PCDH19: variants seen among roughly 807,000 people sequenced by gnomAD.
PCDH19 encodes protocadherin-19.
A neutral mutation model predicts 46.2 loss-of-function variants in PCDH19; 6 were observed. The ratio of observed to expected loss-of-function variants is 0.13; its 90% CI spans 0.07 to 0.26. The LOEUF is 0.26. PCDH19 is among the 10% of genes least tolerant of loss of function. The probability of loss-of-function intolerance (pLI) is 1.00; values close to 1 mark genes in which losing one functional copy is unlikely to be tolerated. For synonymous variants in PCDH19, 481 were observed against 415.7 expected (o/e 1.16, Z -1.91); for missense variants, 740 against 972.3 (o/e 0.76, Z 3.18).
At position 100,338,037 on chromosome X, in the gene PCDH19, CT is replaced by C. The variant is rs1191648038; in HGVS notation, c.2848+3865del. Among the ~76,000 whole-genome samples, 4 of 111,424 alleles carry C rather than the reference CT, an allele frequency of 3.6e-5. No homozygotes were observed. In the Admixed American group the frequency reaches 3.8e-4, roughly 11 times the overall value. ...AGTGACTAAATACCTGACTTTTGCC[CT>C]TTGAGTTCAAAAGTCTTCTAGGCCA... On this transcript the variant is annotated intron_variant, in intron 5 of 5. Coordinates refer to ENST00000373034, the MANE Select transcript of PCDH19 (RefSeq NM_001184880.2).
rs926898279 is a variant in PCDH19 at position 100,409,800 on chromosome X, A to G, written c.-1203T>C. 4 of 219,466 alleles carry G rather than the reference A, an allele frequency of 1.8e-5. No individual in the cohort carries two copies. The highest frequency in any genetic ancestry group is 1.1e-4 in the South Asian group (1 of 8,981). 18.1% of individuals were successfully genotyped at this position (219,466 alleles called of 1,213,427 possible). On this transcript the variant is annotated 5_prime_UTR_variant, in exon 1 of 6. Transcript: ENST00000373034. ...TGGGGTCCGCCTCAGCAGCTGCCAC[A>G]GTCGACGATTTTGTCGCCGCCGAAG...
At chrX:100,339,453 C>T (rs775726528) in intron 5 of PCDH19, among the ~76,000 whole-genome samples, 44 of 112,535 alleles carry the variant, frequency 3.9e-4, no homozygotes, top group African/African-American at 1.4e-3. Flanking sequence ...TAAGATCAGG[C>T]ATGCATGGTG....
chrX:100,409,709 TCCGCCGCCGCCGCCG>T lies in PCDH19; in HGVS notation c.-1127_-1113del, dbSNP rs59564734. 7 of 244,369 alleles carry T rather than the reference TCCGCCGCCGCCGCCG, an allele frequency of 2.9e-5. No individual in the cohort carries two copies. The highest frequency in any genetic ancestry group is 1.6e-4 in the East Asian group (1 of 6,157). 20.1% of individuals were successfully genotyped at this position (244,369 alleles called of 1,213,427 possible). A position where few individuals can be genotyped will look rare whatever the true frequency, so the allele number is the denominator to read the frequency against. ...TTTGGGCTGGGGTGTCGCTCCAAGG[TCCGCCGCCGCCGCCG>T]CCGCCGCCGCCGCCGCGGGAGGAAG... On this transcript the variant is annotated 5_prime_UTR_variant, in exon 1 of 6. Transcript: ENST00000373034.
chrX:100,403,494 C>T (rs766272010), intron 2 of PCDH19, 30 bp downstream of exon 2: 59 of 1,200,642 alleles, frequency 4.9e-5, no homozygotes, highest in Admixed American at 8.8e-5. Context: ...ATAGCCAAAC[C>T]CATTTAAATG....
intron 3 of PCDH19, among the ~76,000 whole-genome samples, chrX:100,390,033 C>A (rs2147523055): frequency 9.0e-6 from 1 of 111,373 alleles, no homozygotes; most frequent in South Asian, 3.8e-4. Context: ...AATTGTTAAC[C>A]AATTACATGG....
rs1928356628 is a variant in PCDH19, at chrX:100,406,642, G to C, written c.1956C>G (p.Leu652=). 1 of 1,209,932 alleles carries C rather than the reference G, an allele frequency of 8.3e-7. No homozygotes were observed. The highest frequency in any genetic ancestry group is 1.8e-5 in the African/African-American group (1 of 57,141). ...AGATTAGGACGAGAGCAGAGGCAGA[G>C]AGAGATGTCTTGCCGTGGTCGTGAG... ...VVAHDHGKTS[L]SASALVLIYL... The change falls in exon 1 of 6, where the codon CTC becomes CTG. Residue 652 remains leucine (L), a synonymous_variant. Transcript: ENST00000373034.
intron 4 of PCDH19, among the ~76,000 whole-genome samples, chrX:100,343,778 T>C (rs1926320280): frequency 9.0e-6 from 1 of 111,727 alleles, no homozygotes; most frequent in Non-Finnish European, 1.9e-5. Flanking sequence ...GAATGGCATG[T>C]TTGTGAATTA....
intron 5 of PCDH19, among the ~76,000 whole-genome samples, chrX:100,304,259 C>T (rs188816987): frequency 9.0e-6 from 1 of 111,609 alleles, no homozygotes; most frequent in Non-Finnish European, 1.9e-5. Context: ...TTTGCAGACA[C>T]TCCCCAGTAC....
intron 3 of PCDH19, among the ~76,000 whole-genome samples, chrX:100,381,329 G>C (rs946167497): frequency 2.7e-5 from 3 of 112,168 alleles, no homozygotes; most frequent in Non-Finnish European, 3.8e-5. Context: ...GACATTGAAA[G>C]TCTTCCCTAT....
Position 100,340,352 on chromosome X carries a change from T to A in PCDH19, c.2848+1551A>T, listed in dbSNP as rs191631856. Among the ~76,000 whole-genome samples the A allele has an allele frequency of 3.4e-4, 38 of 112,152 alleles. No individual in the cohort carries two copies. The Admixed American group carries it at 3.5e-3, about 10-fold the overall frequency. On this transcript the variant is annotated intron_variant, in intron 5 of 5. Transcript: ENST00000373034. ...GATGTTGTTCTAGCCAGGCATAAAG[T>A]GAGAATCAATTATGACTATTTCCTT...
rs757433043 is a variant in PCDH19 at position 100,408,259 on chromosome X, G to A, written c.339C>T (p.Cys113=). 9 of 1,209,908 alleles carry A rather than the reference G, an allele frequency of 7.4e-6. No individual in the cohort carries two copies. The highest frequency in any genetic ancestry group is 1.7e-5 in the African/African-American group (1 of 57,240). ...GGTCCTTGATCTCCACCTTTATCACGCAGATTTCCATTGAGCTGGACATGA... is the reference window on the plus strand; with the variant it reads ...GGTCCTTGATCTCCACCTTTATCACACAGATTTCCATTGAGCTGGACATGA... The part of the protein sequence containing the change: ...LEVMSSSMEI[C]VIKVEIKDLN... The change falls in exon 1 of 6, where the codon TGC becomes TGT. Residue 113 remains cysteine (C), a synonymous_variant. Coordinates refer to ENST00000373034, the MANE Select transcript of PCDH19 (RefSeq NM_001184880.2).
intron 3 of PCDH19, among the ~76,000 whole-genome samples, chrX:100,363,669 TA>T: frequency 9.9e-6 from 1 of 100,969 alleles, no homozygotes; most frequent in South Asian, 4.2e-4. Flanking sequence ...CTGTACATGA[TA>T]AATATATATA....
chrX:100,316,431 C>G (rs1469269045), intron 5 of PCDH19, among the ~76,000 whole-genome samples: 2 of 111,965 alleles, frequency 1.8e-5, no homozygotes, highest in African/African-American at 6.5e-5. Context: ...AAGCCAAGTA[C>G]CTTTGTGTTA....
chrX:100,360,359 T>G (rs1295342993), intron 3 of PCDH19, among the ~76,000 whole-genome samples: 1 of 112,391 alleles, frequency 8.9e-6, no homozygotes, highest in Non-Finnish European at 1.9e-5. Context: ...AAACAGTGAA[T>G]GCATTAGCTT....
At chrX:100,363,848 T>C (rs1926984965) in intron 3 of PCDH19, among the ~76,000 whole-genome samples, 1 of 46,420 alleles carries the variant, frequency 2.2e-5, no homozygotes, top group South Asian at 1.2e-3. Flanking sequence ...TTAGGTAGAA[T>C]GTGCGTGCGT....
At chrX:100,405,831 T>C (rs1928330172) in intron 1 of PCDH19, among the ~76,000 whole-genome samples, 1 of 112,122 alleles carries the variant, frequency 8.9e-6, no homozygotes, top group Non-Finnish European at 1.9e-5. Context: ...CCTGATAGAA[T>C]TTCACTTTAT....
chrX:100,407,308 C>T lies in PCDH19; in HGVS notation c.1290G>A (p.Val430=), dbSNP rs1450849307. 8.3e-7 allele frequency: 1 copy of T among 1,212,002 alleles called. No homozygotes were observed. The highest frequency in any genetic ancestry group is 1.1e-6 in the Non-Finnish European group (1 of 895,486). Residue 430 remains valine, a synonymous_variant, in exon 1 of 6, where the codon GTG becomes GTA. Coordinates refer to ENST00000373034, the MANE Select transcript of PCDH19 (RefSeq NM_001184880.2). ...NLTIQARDGG[V]PMLQSAKSFT... is the part of the protein sequence containing the mutation. ...AGGACTTGGCACTCTGCAGCATGGG[C>T]ACGCCGCCGTCGCGTGCCTGAATTG... is the stretch of plus-strand genomic sequence containing the variant.
At chrX:100,404,607 T>G in intron 1 of PCDH19, among the ~76,000 whole-genome samples, 1 of 78,800 alleles carries the variant, frequency 1.3e-5, no homozygotes, top group Non-Finnish European at 2.5e-5. Context: ...GCACTGAGAT[T>G]TACTCTTTTT....
At chrX:100,328,347 C>T (rs184006775) in intron 5 of PCDH19, among the ~76,000 whole-genome samples, 73 of 111,596 alleles carry the variant, frequency 6.5e-4, no homozygotes, top group Non-Finnish European at 5.8e-4. Flanking sequence ...AGATGGGGGA[C>T]TAGAGCAGGA....
Sources: allele counts gnomAD v4.1 joint callset (sites outside exome capture counted in the v4.1 genomes callset), GRCh38; gene constraint gnomAD v4.1.1; transcripts MANE v1.5; gene names NCBI Gene and HGNC (gene_info 2026-07-23, HGNC 2026-07-21).